Variants in FAM167A observed in about 807,000 individuals in gnomAD.
The protein encoded by FAM167A is family with sequence similarity 167 member A.
A neutral mutation model predicts 14.9 loss-of-function variants in FAM167A; 23 were observed. The ratio of observed to expected loss-of-function variants is 1.55; its 90% confidence interval spans 1.11 to 2.19. The LOEUF is 2.19. FAM167A is among the 30% of genes most tolerant of loss of function. The pLI, the probability that FAM167A is intolerant of heterozygous loss-of-function variation, is 0.00. For synonymous variants in FAM167A, 174 were observed against 117.7 expected, an observed-to-expected ratio of 1.48 and a Z score of -3.10; for missense variants, 401 against 281.5, an observed-to-expected ratio of 1.42 and a Z score of -3.04.
upstream of FAM167A, among the ~76,000 whole-genome samples, chr8:11,470,842 CAAG>C (rs1291348903): frequency 2.0e-5 from 3 of 152,038 alleles, no homozygotes; most frequent in Admixed American, 6.5e-5. Context: ...CCCAGAGTTT[CAAG>C]AAGAAGCGGG....
At chr8:11,444,922 C>T in intron 1 of FAM167A, 114 bp from the exon 2 acceptor site, 1 of 854,524 alleles carries the variant, frequency 1.2e-6, no homozygotes, top group African/African-American at 1.8e-5. Context: ...GGTGGCTGCG[C>T]TTCTCATGGC....
chr8:11,426,503 C>A (rs530946201), intron 2 of FAM167A, among the ~76,000 whole-genome samples: 24 of 152,314 alleles, frequency 1.6e-4, no homozygotes, highest in African/African-American at 5.5e-4. Flanking sequence ...CTCCCAGTTT[C>A]CCAAACCCAC....
At chr8:11,451,121 G>C (rs1807006838) in intron 1 of FAM167A, among the ~76,000 whole-genome samples, 1 of 152,230 alleles carries the variant, frequency 6.6e-6, no homozygotes, top group African/African-American at 2.4e-5. Context: ...TTTCTCCTGG[G>C]GCGTGGGGAG....
Position 11,444,264 on chromosome 8 carries a change from G to C in FAM167A, c.148C>G (p.Gln50Glu). ...ETRRPSYLEW[Q>E]ARLEEHTWPF... is the part of the protein sequence containing the mutation. ...CAGGTATGCTCCTCCAGCCTGGCCTGCCATTCCAGGTAGGAGGGCCTGCGG... is the reference window on the plus strand; with the variant it reads ...CAGGTATGCTCCTCCAGCCTGGCCTCCCATTCCAGGTAGGAGGGCCTGCGG... Residue 50 changes from glutamine to glutamate, a missense_variant, in exon 2 of 3, where the codon CAG becomes GAG. By Grantham distance (29) the Gln-to-Glu change is conservative. Coordinates refer to ENST00000284486, the MANE Select transcript of FAM167A (RefSeq NM_053279.3). The C allele has an allele frequency of 6.2e-7, 1 of 1,611,198 alleles. No individual in the cohort carries two copies. Among genetic ancestry groups the C allele is most frequent in the Non-Finnish European group, 8.5e-7 (1 of 1,179,494 alleles).
At chr8:11,464,052 A>G (rs7837657) in intron 1 of FAM167A, among the ~76,000 whole-genome samples, 10,432 of 152,206 alleles carry the variant, frequency 0.069, 1,150 homozygotes, top group African/African-American at 0.23. Context: ...AGACTGGGCT[A>G]CTGCTCAGCA....
At chr8:11,444,950 G>T in intron 1 of FAM167A, 142 bp from the exon 2 acceptor site, 1 of 744,326 alleles carries the variant, frequency 1.3e-6, no homozygotes, top group Non-Finnish European at 1.6e-6. Flanking sequence ...GGACGGAAGT[G>T]AGATCATTTT....
chr8:11,437,588 A>C (rs1369737160), intron 2 of FAM167A, among the ~76,000 whole-genome samples: 1 of 152,034 alleles, frequency 6.6e-6, no homozygotes, highest in Non-Finnish European at 1.5e-5. Flanking sequence ...CCAGTTAATG[A>C]GCCAGTTGTA....
At chr8:11,434,978 G>A in intron 2 of FAM167A, 1 of 453,756 alleles carries the variant, frequency 2.2e-6, no homozygotes, top group Non-Finnish European at 4.4e-6. Context: ...CCCTGCATTT[G>A]GGTCCTCTGC....
intron 2 of FAM167A, among the ~76,000 whole-genome samples, chr8:11,427,350 C>T (rs1305938920): frequency 6.6e-6 from 1 of 152,212 alleles, no homozygotes; most frequent in Non-Finnish European, 1.5e-5. Flanking sequence ...AGAGCGCCTT[C>T]TGTAAGCAGC....
chr8:11,450,263 G>A (rs928291901), intron 1 of FAM167A, among the ~76,000 whole-genome samples: 32 of 152,148 alleles, frequency 2.1e-4, no homozygotes, highest in African/African-American at 6.8e-4. Flanking sequence ...GTGTACCCAG[G>A]ACAACCCGAG....
At chr8:11,469,881 AAAATAAATAAAT>A (rs140444831), upstream of FAM167A, among the ~76,000 whole-genome samples, 4,540 of 122,566 alleles carry the variant, frequency 0.037, 201 homozygotes, top group African/African-American at 0.11. Flanking sequence ...CCCTGTCTCA[AAAATAAATAAAT>A]AAATAAATAA....
chr8:11,458,666 A>G (rs1807422790), intron 1 of FAM167A, among the ~76,000 whole-genome samples: 1 of 152,196 alleles, frequency 6.6e-6, no homozygotes, highest in South Asian at 2.1e-4. Flanking sequence ...ACTTGGAGAA[A>G]TAGGGTATTT....
In FAM167A at chr8:11,444,337, G is replaced by C. The variant is rs1172273149; in HGVS notation, c.75C>G (p.Asp25Glu). 5.6e-6 allele frequency: 9 copies of C among 1,608,210 alleles called. No homozygotes were observed. Among genetic ancestry groups the C allele is most frequent in the Admixed American group, 3.4e-5 (2 of 58,788 alleles). ...TGAGGGCCTTCAGGCTCCGGAGGTG[G>C]TCATCGGGTGGTGCGGCTGCTCCCG... ...EGAGAAAPPD[D>E]HLRSLKALTE... is the part of the protein sequence containing the mutation. Residue 25 changes from aspartate to glutamate, a missense_variant, in exon 2 of 3, where the codon GAC (aspartate) becomes GAG (glutamate). Asp to Glu is a conservative substitution (Grantham distance 45). Transcript: ENST00000284486.
At position 11,422,439 on chromosome 8, in the gene FAM167A, A is replaced by T. The variant is rs1804820351; in HGVS notation, c.*1934T>A. ...CCGAGACCTCAAGGGCTTATCTGGA[A>T]AGAGGTTGGCAGGAAAGGAATGCGT... On this transcript the variant is annotated 3_prime_UTR_variant, in exon 3 of 3. Transcript: ENST00000284486. The T allele has an allele frequency of 1.3e-5, 2 of 149,078 alleles. No individual in the cohort carries two copies. Among genetic ancestry groups the T allele is most frequent in the South Asian group, 4.3e-4 (2 of 4,672 alleles). 9.2% of individuals were successfully genotyped at this position (149,078 alleles called of 1,614,324 possible).
In FAM167A at chr8:11,452,892, C is replaced by T. The variant is rs570440619; in HGVS notation, c.-397-8084G>A. ...CATCAGCACACACATTCGGGCCTCA[C>T]GTCCTTCTGACTTCACGCAGGAGAA... On this transcript the variant is annotated intron_variant, in intron 1 of 2. Transcript: ENST00000284486. Among the ~76,000 whole-genome samples the T allele has an allele frequency of 4.6e-5, 7 of 152,340 alleles. No individual in the cohort carries two copies. The East Asian group carries it at 5.8e-4, about 13-fold the overall frequency.
At chr8:11,470,369 C>A (rs1032716922), upstream of FAM167A, among the ~76,000 whole-genome samples, 1 of 152,072 alleles carries the variant, frequency 6.6e-6, no homozygotes, top group Non-Finnish European at 1.5e-5. Flanking sequence ...AACAAACGTG[C>A]CTGCCACAAT....
intron 1 of FAM167A, among the ~76,000 whole-genome samples, chr8:11,450,299 C>T (rs1038582936): frequency 1.3e-5 from 2 of 152,202 alleles, no homozygotes; most frequent in Admixed American, 6.5e-5. Flanking sequence ...ATTATGTCAT[C>T]GCAACATTAG....
In FAM167A at chr8:11,422,561, A is replaced by G. The variant is rs1360995020; in HGVS notation, c.*1812T>C. On this transcript the variant is annotated 3_prime_UTR_variant, in exon 3 of 3. Coordinates refer to ENST00000284486, the MANE Select transcript of FAM167A (RefSeq NM_053279.3). ...CTTCATTGCACAGAGCATGGCAGAC[A>G]GTAGATCTTGGCTGCGTTGTTCTGC... is the stretch of plus-strand genomic sequence containing the variant. The G allele has an allele frequency of 6.5e-6, 1 of 152,698 alleles. No homozygotes were observed. Among genetic ancestry groups the G allele is most frequent in the East Asian group, 1.9e-4 (1 of 5,208 alleles). The allele number at this position is 152,698 out of a possible 1,614,324, so 9.5% of individuals were successfully genotyped here. A position where few individuals can be genotyped will look rare whatever the true frequency, so the allele number is the denominator to read the frequency against.
intron 1 of FAM167A, among the ~76,000 whole-genome samples, chr8:11,446,888 C>CAGGG (rs1806807802): frequency 6.6e-6 from 1 of 152,246 alleles, no homozygotes; most frequent in Non-Finnish European, 1.5e-5. Context: ...GCTGCACCTA[C>CAGGG]AGGGCTTCCT....
Sources: allele counts gnomAD v4.1 joint callset (sites outside exome capture counted in the v4.1 genomes callset), GRCh38; gene constraint gnomAD v4.1.1; transcripts MANE v1.5; gene names NCBI Gene and HGNC (gene_info 2026-07-23, HGNC 2026-07-21).